The following PIP5K1B variants were observed in gnomAD, a reference collection of about 807,000 sequenced individuals.
PIP5K1B encodes the protein phosphatidylinositol 4-phosphate 5-kinase type-1 beta.
PIP5K1B carries 42 observed loss-of-function variants against 67.0 expected under a neutral mutation model. That is an observed-to-expected ratio of 0.63 (90% CI 0.49 to 0.81). The LOEUF is 0.81. Among genes scored for constraint, PIP5K1B ranks in the 30% least tolerant of loss-of-function variants. PIP5K1B has a pLI of 0.00. For synonymous variants in PIP5K1B, 214 were observed against 231.4 expected (o/e 0.92, Z 0.68); for missense variants, 459 against 646.3 (o/e 0.71, Z 3.14).
At chr9:68,911,536 G>T (rs974370034) in intron 8 of PIP5K1B, among the ~76,000 whole-genome samples, 19 of 152,156 alleles carry the variant, frequency 1.2e-4, no homozygotes, top group Admixed American at 5.2e-4. Context: ...ATAAAAGAGG[G>T]AAGTGAGGAA....
chr9:68,916,570 C>T (rs970432368), intron 8 of PIP5K1B, among the ~76,000 whole-genome samples: 1 of 152,050 alleles, frequency 6.6e-6, no homozygotes, highest in African/African-American at 2.4e-5. Flanking sequence ...CTGAACGGCA[C>T]CTTCGAAAGA....
At chr9:68,802,413 G>A (rs147223762) in intron 2 of PIP5K1B, among the ~76,000 whole-genome samples, 19 of 152,096 alleles carry the variant, frequency 1.2e-4, no homozygotes, top group African/African-American at 3.6e-4. Flanking sequence ...CATGTGCCAG[G>A]CACTGTGATG....
chr9:68,969,493 G>A (rs758868167), intron 14 of PIP5K1B, among the ~76,000 whole-genome samples: 18 of 151,870 alleles, frequency 1.2e-4, no homozygotes, highest in Non-Finnish European at 2.1e-4. Context: ...CGCAGGCACA[G>A]TATGCTTGGA....
At chr9:68,724,049 A>G (rs1828032800) in intron 1 of PIP5K1B, among the ~76,000 whole-genome samples, 1 of 152,128 alleles carries the variant, frequency 6.6e-6, no homozygotes, top group African/African-American at 2.4e-5. Context: ...ATTTTTGTAT[A>G]TGGTAAAAGA....
At chr9:68,950,976 G>A (rs1157014305) in intron 14 of PIP5K1B, among the ~76,000 whole-genome samples, 2 of 152,186 alleles carry the variant, frequency 1.3e-5, no homozygotes, top group Admixed American at 6.5e-5. Flanking sequence ...CCCACAGACA[G>A]ACCAAACGCC....
intron 2 of PIP5K1B, among the ~76,000 whole-genome samples, chr9:68,766,718 T>G (rs1414321915): frequency 6.6e-6 from 1 of 152,204 alleles, no homozygotes; most frequent in Non-Finnish European, 1.5e-5. Flanking sequence ...TGTGTCTGTA[T>G]TTTAAATTTT....
chr9:68,848,030 G>A (rs1564180715), intron 4 of PIP5K1B, among the ~76,000 whole-genome samples: 1 of 152,034 alleles, frequency 6.6e-6, no homozygotes, highest in Non-Finnish European at 1.5e-5. Flanking sequence ...CTAGGTTCAA[G>A]GGCCAGCTTT....
At chr9:68,729,922 G>A (rs1032787427) in intron 1 of PIP5K1B, among the ~76,000 whole-genome samples, 3 of 151,130 alleles carry the variant, frequency 2.0e-5, no homozygotes, top group African/African-American at 7.3e-5. Context: ...GGGAAAATAA[G>A]TCAAAGGAGA....
chr9:68,884,671 A>G (rs1413134198), intron 6 of PIP5K1B, among the ~76,000 whole-genome samples: 1 of 152,000 alleles, frequency 6.6e-6, no homozygotes, highest in Non-Finnish European at 1.5e-5. Context: ...TCTTTAAAAA[A>G]AAAAAAAAAA....
intron 2 of PIP5K1B, among the ~76,000 whole-genome samples, chr9:68,772,552 G>T (rs1470654741): frequency 6.6e-5 from 10 of 152,178 alleles, no homozygotes; most frequent in Non-Finnish European, 1.5e-4. Context: ...AGTATTCACT[G>T]ATCCAGCTGC....
chr9:68,927,699 A>G lies in PIP5K1B; in HGVS notation c.1201+4313A>G, dbSNP rs533311918. Reference sequence around the variant, plus strand: ...ATATGATTTGCAAATATTTTCTTCCATTCTGTGGGTTGTCTTTTTACTTTT... The same window carrying G: ...ATATGATTTGCAAATATTTTCTTCCGTTCTGTGGGTTGTCTTTTTACTTTT... On this transcript the variant is annotated intron_variant, in intron 12 of 15. Coordinates refer to ENST00000265382, the MANE Select transcript of PIP5K1B (RefSeq NM_003558.4). 3.9e-5 allele frequency among the ~76,000 whole-genome samples: 6 copies of G among 152,228 alleles called. No individual in the cohort carries two copies. The South Asian group carries it at 1.2e-3, about 32-fold the overall frequency.
At chr9:68,814,813 C>G (rs904601990) in intron 2 of PIP5K1B, among the ~76,000 whole-genome samples, 3 of 152,000 alleles carry the variant, frequency 2.0e-5, no homozygotes, top group Admixed American at 1.3e-4. Context: ...GAGCCAGACC[C>G]TGTCTCAAAA....
intron 9 of PIP5K1B, 35 bp from the exon 10 acceptor site, chr9:68,919,444 G>A: frequency 2.9e-6 from 3 of 1,021,026 alleles, no homozygotes; most frequent in Non-Finnish European, 4.4e-6. Context: ...CTTATAATAT[G>A]TAATCAAATA....
chr9:68,994,294 G>A (rs1300557106), intron 15 of PIP5K1B, among the ~76,000 whole-genome samples: 6 of 151,860 alleles, frequency 4.0e-5, no homozygotes, highest in Non-Finnish European at 8.8e-5. Context: ...CGCCCGCCTC[G>A]GCCTCCCAAA....
intron 14 of PIP5K1B, among the ~76,000 whole-genome samples, chr9:68,965,882 GAGAATCGC>G (rs1311318988): frequency 6.6e-6 from 1 of 151,140 alleles, no homozygotes; most frequent in African/African-American, 2.4e-5. Context: ...GCTGAAGCAG[GAGAATCGC>G]TTGAACCCAG....
chr9:68,710,466 A>G (rs769575671), intron 1 of PIP5K1B, among the ~76,000 whole-genome samples: 10 of 152,186 alleles, frequency 6.6e-5, no homozygotes, highest in Non-Finnish European at 1.0e-4. Flanking sequence ...ATTGACAGAG[A>G]ATTGTATTCA....
chr9:68,959,313 T>C (rs1011123879), intron 14 of PIP5K1B, among the ~76,000 whole-genome samples: 22 of 152,218 alleles, frequency 1.4e-4, no homozygotes, highest in African/African-American at 4.6e-4. Flanking sequence ...GATTGCCATT[T>C]TACATTATAC....
chr9:68,952,846 T>C (rs571422043), intron 14 of PIP5K1B, among the ~76,000 whole-genome samples: 4 of 150,088 alleles, frequency 2.7e-5, no homozygotes, highest in Admixed American at 6.6e-5. Context: ...TTCCTTCCTT[T>C]CTTCCTTCCT....
At chr9:68,988,454 T>TG (rs1209684566) in intron 14 of PIP5K1B, among the ~76,000 whole-genome samples, 2 of 66,652 alleles carry the variant, frequency 3.0e-5, no homozygotes, top group Admixed American at 1.6e-4. Flanking sequence ...GTTTTTTTTT[T>TG]TTTTTTTTTT....
Sources: gnomAD v4.1 joint callset for allele counts (sites outside exome capture counted in the v4.1 genomes callset) on GRCh38, gnomAD v4.1.1 for gene constraint, MANE v1.5 for transcripts, NCBI Gene and HGNC (gene_info 2026-07-23, HGNC 2026-07-21) for gene names.